Variants in UTY observed in about 807,000 individuals in gnomAD.
The protein encoded by UTY is histone demethylase UTY.
Under a neutral mutation model 32.5 loss-of-function variants are expected in UTY, and 12 were observed. The observed-to-expected ratio is 0.37, with a 90% CI of 0.24 to 0.60. The LOEUF (loss-of-function observed/expected upper bound fraction) is 0.60, where lower values mean the gene tolerates loss of function less well. UTY is among the 20% of genes least tolerant of loss of function. UTY has a pLI of 0.69. For synonymous variants in UTY, 131 were observed against 103.4 expected (o/e 1.27, Z -1.62); for missense variants, 303 against 299.2 (o/e 1.01, Z -0.09).
intron 4 of UTY, among the ~76,000 whole-genome samples, chrY:13,437,793 A>C: frequency 6.0e-5 from 2 of 33,576 alleles, no homozygotes; most frequent in African/African-American, 1.2e-4. Context: ...ACCCACAGGC[A>C]GCTGATAACC....
At chrY:13,388,276 C>G (rs2149478621) in intron 8 of UTY, among the ~76,000 whole-genome samples, 1 of 34,230 alleles carries the variant, frequency 2.9e-5, no homozygotes, top group South Asian at 6.4e-4. Context: ...CTGCATGTTG[C>G]ATGCAAATAG....
In UTY at chrY:13,366,251, G is replaced by A; in HGVS notation, c.866+16C>T. The A allele has an allele frequency of 7.7e-6, 3 of 387,921 alleles. No individual in the cohort carries two copies. The highest frequency in any genetic ancestry group is 9.7e-5 in the East Asian group (1 of 10,354). On this transcript the variant is annotated intron_variant, in intron 10 of 29. Coordinates refer to ENST00000545955, the MANE Select transcript of UTY (RefSeq NM_001258249.2). ...ATTACAAATAAACTCTAGATAGCAC[G>A]AGTATTTCATCTCACCTTCCAAGAA...
intron 27 of UTY, among the ~76,000 whole-genome samples, chrY:13,273,768 A>G: frequency 6.3e-5 from 2 of 31,726 alleles, no homozygotes; most frequent in African/African-American, 2.4e-4. Context: ...TATGTAATAA[A>G]CATTTTTATC....
chrY:13,321,617 G>A (rs906513992), intron 21 of UTY, among the ~76,000 whole-genome samples: 3 of 33,015 alleles, frequency 9.1e-5, no homozygotes, highest in Admixed American at 2.8e-4. Flanking sequence ...TTACCTACCT[G>A]TGGCCTGGAA....
chrY:13,252,577 G>A (rs2054310517), intron 28 of UTY, among the ~76,000 whole-genome samples: 3 of 33,945 alleles, frequency 8.8e-5, no homozygotes, highest in Non-Finnish European at 1.5e-4. Context: ...CCCAAAACTG[G>A]CCATAAACAG....
At chrY:13,304,302 C>T in intron 24 of UTY, 1 of 82,705 alleles carries the variant, frequency 1.2e-5, no homozygotes, top group Non-Finnish European at 2.6e-5. Context: ...TAAGAAGCTA[C>T]ATCTCCAGTA....
At chrY:13,386,806 A>T in intron 8 of UTY, among the ~76,000 whole-genome samples, 1 of 32,864 alleles carries the variant, frequency 3.0e-5, no homozygotes, top group South Asian at 6.9e-4. Flanking sequence ...CAACATGGCA[A>T]AACCCTGTAT....
chrY:13,385,964 G>T (rs539136226), intron 8 of UTY, among the ~76,000 whole-genome samples: 26 of 32,467 alleles, frequency 8.0e-4, no homozygotes, highest in African/African-American at 3.1e-3. Context: ...TTATGTTGTA[G>T]ACACATGCAA....
At chrY:13,445,244 AATATATATATATATATATATAT>A (rs60043171) in intron 4 of UTY, among the ~76,000 whole-genome samples, 8 of 5,234 alleles carry the variant, frequency 1.5e-3, no homozygotes, top group Middle Eastern at 0.062. Flanking sequence ...TTTTTAAAAT[AATATATATATATATATATATAT>A]ATATATATAT....
At chrY:13,416,952 G>A (rs2071762865) in intron 4 of UTY, among the ~76,000 whole-genome samples, 1 of 33,760 alleles carries the variant, frequency 3.0e-5, no homozygotes, top group Non-Finnish European at 7.4e-5. Flanking sequence ...GGTAATCCAT[G>A]CCTTTCTGTT....
chrY:13,383,158 C>T (rs755190351), intron 8 of UTY, among the ~76,000 whole-genome samples: 1 of 31,275 alleles, frequency 3.2e-5, no homozygotes, highest in South Asian at 7.3e-4. Flanking sequence ...GGTGTGGTGG[C>T]AGGCACCTGT....
At chrY:13,415,605 T>C (rs1017312842) in intron 4 of UTY, among the ~76,000 whole-genome samples, 3 of 33,847 alleles carry the variant, frequency 8.9e-5, no homozygotes, top group African/African-American at 2.3e-4. Flanking sequence ...ACAAACACCA[T>C]TGTGTTATAA....
At position 13,357,900 on chromosome Y, in the gene UTY, A is replaced by T; in HGVS notation, c.1546T>A (p.Cys516Ser). 2.5e-6 allele frequency: 1 copy of T among 397,965 alleles called. No homozygotes were observed. Among genetic ancestry groups the T allele is most frequent in the African/African-American group, 6.1e-5 (1 of 16,342 alleles). ...HHPVQQVYSL[C>S]LTPQKLQHLE... ...ACCTGTAATTTCTGTGGTGTCAAAC[A>T]CAACGAATAAACTTGCTGTACTGGA... Residue 516 changes from cysteine (C) to serine (S), a missense_variant, in exon 15 of 30, where the codon TGT becomes AGT. Coordinates refer to ENST00000545955, the MANE Select transcript of UTY (RefSeq NM_001258249.2).
At chrY:13,321,011 G>T in intron 21 of UTY, among the ~76,000 whole-genome samples, 1 of 32,569 alleles carries the variant, frequency 3.1e-5, no homozygotes, top group African/African-American at 1.2e-4. Flanking sequence ...AAGAGTAGAG[G>T]AATTCAACCA....
At chrY:13,443,201 T>C (rs2075371387) in intron 4 of UTY, among the ~76,000 whole-genome samples, 1 of 33,026 alleles carries the variant, frequency 3.0e-5, no homozygotes, top group African/African-American at 1.2e-4. Context: ...TAAGTACAGG[T>C]TACACATAGG....
intron 6 of UTY, among the ~76,000 whole-genome samples, chrY:13,399,617 C>T (rs1044212682): frequency 3.0e-5 from 1 of 33,314 alleles, no homozygotes; most frequent in Non-Finnish European, 7.4e-5. Flanking sequence ...TATTTAACTT[C>T]GTTTACTGCT....
At chrY:13,367,516 T>G in intron 9 of UTY, among the ~76,000 whole-genome samples, 1 of 33,710 alleles carries the variant, frequency 3.0e-5, no homozygotes, top group Non-Finnish European at 7.4e-5. Context: ...AGCTGTGACT[T>G]AATTCAAGTG....
intron 25 of UTY, among the ~76,000 whole-genome samples, chrY:13,300,657 T>C: frequency 3.0e-5 from 1 of 33,727 alleles, no homozygotes; most frequent in Non-Finnish European, 7.4e-5. Flanking sequence ...ATTAAGAATT[T>C]AGTAAAATAT....
chrY:13,421,471 T>C, intron 4 of UTY, among the ~76,000 whole-genome samples: 1 of 33,361 alleles, frequency 3.0e-5, no homozygotes, highest in Non-Finnish European at 7.4e-5. Flanking sequence ...CAAAGACAAA[T>C]GCATATGAAT....
Sources: gnomAD v4.1 joint callset for allele counts (sites outside exome capture counted in the v4.1 genomes callset) on GRCh38, gnomAD v4.1.1 for gene constraint, MANE v1.5 for transcripts, NCBI Gene and HGNC (gene_info 2026-07-23, HGNC 2026-07-21) for gene names.